The following SKAP1 variants were observed in gnomAD, a reference collection of about 807,000 sequenced individuals.
SKAP1 encodes src kinase-associated phosphoprotein 1.
Under a neutral mutation model 58.5 loss-of-function variants are expected in SKAP1, and 44 were observed. The observed-to-expected ratio is 0.75, with a 90% confidence interval of 0.59 to 0.97. The LOEUF is 0.97. SKAP1 is among the 50% of genes least tolerant of loss of function. The pLI, the probability that SKAP1 is intolerant of heterozygous loss-of-function variation, is 0.00. For missense variants in SKAP1, 390 were observed against 435.2 expected (o/e 0.90, Z 0.92); for synonymous variants, 127 against 149.7 (o/e 0.85, Z 1.11).
chr17:48,442,618 C>G, the SKAP1 span, among the ~76,000 whole-genome samples: 1 of 152,194 alleles, frequency 6.6e-6, no homozygotes, highest in South Asian at 2.1e-4. Flanking sequence ...GTAAATGGCA[C>G]CATGGATAAT....
chr17:48,325,012 G>T (rs977586527), intron 4 of SKAP1, among the ~76,000 whole-genome samples: 1 of 151,812 alleles, frequency 6.6e-6, no homozygotes, highest in Non-Finnish European at 1.5e-5. Context: ...ACTTTGGGAG[G>T]CCGAGGCGGG....
intron 11 of SKAP1, among the ~76,000 whole-genome samples, chr17:48,143,544 T>C (rs2063793958): frequency 6.6e-6 from 1 of 152,156 alleles, no homozygotes; most frequent in Non-Finnish European, 1.5e-5. Flanking sequence ...GATATGTTAC[T>C]GTCCATTTTC....
the SKAP1 span, among the ~76,000 whole-genome samples, chr17:48,443,729 G>C: frequency 6.6e-6 from 1 of 152,056 alleles, no homozygotes; most frequent in East Asian, 1.9e-4. Flanking sequence ...ACTCACCTTG[G>C]CCTCCCAAAA....
chr17:48,413,523 A>AAAAAAATATATAT, intron 1 of SKAP1, among the ~76,000 whole-genome samples: 1 of 105,454 alleles, frequency 9.5e-6, no homozygotes, highest in African/African-American at 4.3e-5. Flanking sequence ...TCAAAAAAAA[A>AAAAAAATATATAT]ATATATATAT....
intron 1 of SKAP1, among the ~76,000 whole-genome samples, chr17:48,423,232 G>A (rs1019428805): frequency 6.6e-6 from 1 of 152,194 alleles, no homozygotes; most frequent in African/African-American, 2.4e-5. Flanking sequence ...GCTGAGAGGA[G>A]TGGATTATAA....
At chr17:48,225,871 G>A (rs1374272153) in intron 4 of SKAP1, among the ~76,000 whole-genome samples, 1 of 152,202 alleles carries the variant, frequency 6.6e-6, no homozygotes, top group Non-Finnish European at 1.5e-5. Context: ...TGACTAGGAC[G>A]TGCGAGAAAA....
chr17:48,333,195 T>G (rs754089576), intron 4 of SKAP1, among the ~76,000 whole-genome samples: 37 of 152,296 alleles, frequency 2.4e-4, no homozygotes, highest in Non-Finnish European at 4.3e-4. Flanking sequence ...CTTACTCAAC[T>G]GGCAGAATTA....
At chr17:48,323,080 A>AG (rs1369066615) in intron 4 of SKAP1, among the ~76,000 whole-genome samples, 2 of 152,072 alleles carry the variant, frequency 1.3e-5, no homozygotes, top group East Asian at 3.8e-4. Flanking sequence ...TGGGCAACAG[A>AG]GTGAGACTCT....
chr17:48,192,165 C>A (rs1174852397), intron 4 of SKAP1, among the ~76,000 whole-genome samples: 1 of 142,178 alleles, frequency 7.0e-6, no homozygotes, highest in Non-Finnish European at 1.5e-5. Context: ...GGGGACAGAG[C>A]GAGACTCTGC....
At chr17:48,363,485 A>G (rs1349812299) in intron 3 of SKAP1, among the ~76,000 whole-genome samples, 2 of 152,214 alleles carry the variant, frequency 1.3e-5, no homozygotes, top group African/African-American at 4.8e-5. Flanking sequence ...CTACCATTTT[A>G]TTTGAATGCT....
chr17:48,371,778 A>G (rs1315722600), intron 2 of SKAP1, among the ~76,000 whole-genome samples: 1 of 149,648 alleles, frequency 6.7e-6, no homozygotes, highest in East Asian at 2.0e-4. Context: ...TTGAGGCAGC[A>G]GTGAGCCATG....
intron 11 of SKAP1, among the ~76,000 whole-genome samples, chr17:48,140,092 T>C (rs559892552): frequency 1.1e-4 from 16 of 152,078 alleles, no homozygotes; most frequent in African/African-American, 3.6e-4. Context: ...CCACACTTGT[T>C]GGGAAAGTTT....
intron 4 of SKAP1, among the ~76,000 whole-genome samples, chr17:48,342,984 C>T (rs1157157910): frequency 6.6e-6 from 1 of 150,632 alleles, no homozygotes; most frequent in Admixed American, 6.6e-5. Flanking sequence ...AACTCTGTCT[C>T]AAAAAAAATA....
intron 4 of SKAP1, among the ~76,000 whole-genome samples, chr17:48,275,408 G>A (rs1180572424): frequency 2.6e-5 from 4 of 152,172 alleles, no homozygotes; most frequent in Non-Finnish European, 2.9e-5. Context: ...CTGCTTCATC[G>A]TATGTTGACA....
At chr17:48,396,889 G>T in intron 1 of SKAP1, 104 bp from the exon 2 acceptor site, 1 of 714,246 alleles carries the variant, frequency 1.4e-6, no homozygotes. Flanking sequence ...TAACTAACCT[G>T]CACAATGTGC....
chr17:48,314,037 T>A (rs1242806110), intron 4 of SKAP1, among the ~76,000 whole-genome samples: 1 of 152,230 alleles, frequency 6.6e-6, no homozygotes, highest in Non-Finnish European at 1.5e-5. Flanking sequence ...TTTGTGAATA[T>A]TCGTCTCTAA....
intron 10 of SKAP1, among the ~76,000 whole-genome samples, chr17:48,166,382 C>T (rs562530900): frequency 6.6e-6 from 1 of 152,314 alleles, no homozygotes; most frequent in South Asian, 2.1e-4. Context: ...TCTCTTGTAA[C>T]TGAGGCCAAG....
At position 48,187,872 on chromosome 17, in the gene SKAP1, C is replaced by T. The variant is rs759021727; in HGVS notation, c.413G>A (p.Gly138Asp). 7 of 1,613,694 alleles carry T rather than the reference C, an allele frequency of 4.3e-6. No homozygotes were observed. The highest frequency in any genetic ancestry group is 2.2e-5 in the South Asian group (2 of 91,064). Residue 138 changes from glycine (G) to aspartate (D), a missense_variant, in exon 6 of 13, where the codon GGT (glycine) becomes GAT (aspartate). By Grantham distance (94) the Gly-to-Asp change is moderately conservative (BLOSUM62 -1). Transcript: ENST00000336915. Reference protein sequence around the residue: ...WQKRWCVVSRGLFYYYANEKS... With the variant: ...WQKRWCVVSRDLFYYYANEKS... The stretch of plus-strand genomic sequence containing the variant: ...CTCATTAGCATAGTAGTAGAAGAGA[C>T]CTCTGCTGACAACACACCATCGCTT...
chr17:48,405,392 C>CATTT lies in SKAP1; in HGVS notation c.47-8608_47-8607insAAAT, dbSNP rs1491435155. ...GGGTGCATTTTCTTTTTTTCTCTTT[C>CATTT]CTTTCTTTCTTTCTTTCTTTCTTTC... On this transcript the variant is annotated intron_variant, in intron 1 of 12. Coordinates refer to ENST00000336915, the MANE Select transcript of SKAP1 (RefSeq NM_003726.4). Among the ~76,000 whole-genome samples the CATTT allele has an allele frequency of 2.7e-3, 291 of 107,364 alleles. 3 individuals carry two copies. The highest frequency in any genetic ancestry group is 0.01 in the African/African-American group (283 of 27,324). The allele number at this position is 107,364 out of a possible 152,430, so 70.4% of individuals were successfully genotyped here.
Sources: allele counts gnomAD v4.1 joint callset (sites outside exome capture counted in the v4.1 genomes callset), GRCh38; gene constraint gnomAD v4.1.1; transcripts MANE v1.5; gene names NCBI Gene and HGNC (gene_info 2026-07-23, HGNC 2026-07-21).